IL36B: variants seen among roughly 807,000 people sequenced by gnomAD.
The protein encoded by IL36B is interleukin-36 beta.
A neutral mutation model predicts 19.3 loss-of-function variants in IL36B; 23 were observed. The observed-to-expected ratio is 1.19, with a 90% CI of 0.86 to 1.69. The LOEUF (loss-of-function observed/expected upper bound fraction) is 1.69, where lower values mean the gene tolerates loss of function less well. Ranked by LOEUF, IL36B falls within the 40% of genes most tolerant of loss-of-function variation. The probability of loss-of-function intolerance (pLI) is 0.00; values close to 1 mark genes in which losing one functional copy is unlikely to be tolerated. For missense variants in IL36B, 217 were observed against 200.5 expected (o/e 1.08, Z -0.50); for synonymous variants, 59 against 59.7 (o/e 0.99, Z 0.05).
At chr2:113,048,169 G>A (rs1376202807) in intron 1 of IL36B, among the ~76,000 whole-genome samples, 3 of 152,208 alleles carry the variant, frequency 2.0e-5, no homozygotes, top group Non-Finnish European at 4.4e-5. Flanking sequence ...GGAGAAAGAT[G>A]TATCATGCAA....
At position 113,026,101 on chromosome 2, in the gene IL36B, A is replaced by G. The variant is rs199600636; in HGVS notation, c.391+2T>C. ...GGATGGATAAGAGAATTTGCTCCTC[A>G]CCCACTCCTATTCCCCATTGGTCAA... On this transcript the variant is annotated splice_donor_variant, in intron 5 of 5. Coordinates refer to ENST00000259213, the MANE Select transcript of IL36B (RefSeq NM_014438.5). LOFTEE classifies it high-confidence loss of function. The G allele has an allele frequency of 1.7e-4, 271 of 1,613,286 alleles. No individual in the cohort carries two copies. The highest frequency in any genetic ancestry group is 2.1e-4 in the Non-Finnish European group (246 of 1,179,604).
chr2:113,039,974 T>C (rs1685226166), intron 1 of IL36B, among the ~76,000 whole-genome samples: 1 of 152,210 alleles, frequency 6.6e-6, no homozygotes, highest in Admixed American at 6.5e-5. Flanking sequence ...CAATTTCCCA[T>C]TTTTGAAAGT....
intron 5 of IL36B, among the ~76,000 whole-genome samples, chr2:113,024,623 C>G (rs574692094): frequency 3.3e-4 from 50 of 152,286 alleles, no homozygotes; most frequent in African/African-American, 9.1e-4. Flanking sequence ...GTTTCTCCTC[C>G]TCTTCTTCCT....
intron 4 of IL36B, among the ~76,000 whole-genome samples, chr2:113,026,806 A>T (rs1340466883): frequency 6.6e-6 from 1 of 152,206 alleles, no homozygotes; most frequent in Non-Finnish European, 1.5e-5. Flanking sequence ...AAAAACATTC[A>T]GTTCTAGAAG....
At chr2:113,041,501 A>C (rs751057783) in intron 1 of IL36B, among the ~76,000 whole-genome samples, 2 of 152,212 alleles carry the variant, frequency 1.3e-5, no homozygotes, top group Admixed American at 6.5e-5. Flanking sequence ...CTTTTAGAGA[A>C]AAAAGGCTAA....
chr2:113,051,877 C>T (rs1171057560), intron 1 of IL36B, among the ~76,000 whole-genome samples: 1 of 152,106 alleles, frequency 6.6e-6, no homozygotes, highest in Non-Finnish European at 1.5e-5. Context: ...CCAAAGTGTG[C>T]CACACTCTGC....
At chr2:113,047,915 G>T (rs1156386908) in intron 1 of IL36B, among the ~76,000 whole-genome samples, 1 of 151,998 alleles carries the variant, frequency 6.6e-6, no homozygotes, top group Non-Finnish European at 1.5e-5. Context: ...AATAAAAAAT[G>T]TTAACTCAGG....
chr2:113,050,468 T>C (rs933303762), intron 1 of IL36B, among the ~76,000 whole-genome samples: 43 of 152,178 alleles, frequency 2.8e-4, no homozygotes, highest in Non-Finnish European at 5.7e-4. Context: ...TGAGGAGTTA[T>C]TGTTTTGTAG....
rs763110303 is a variant in IL36B at position 113,028,128 on chromosome 2, A to G, written c.261+811T>C. ...TGATATTTTTTTCCTGGGGGTGGAA[A>G]AGAGGCTTGTTAGAGAGGAGGATAG... On this transcript the variant is annotated intron_variant, in intron 4 of 5. Transcript: ENST00000259213. The G allele has an allele frequency of 6.2e-7, 1 of 1,611,382 alleles. No individual in the cohort carries two copies. The highest frequency in any genetic ancestry group is 1.7e-5 in the Admixed American group (1 of 59,908).
intron 1 of IL36B, among the ~76,000 whole-genome samples, chr2:113,046,463 C>CT (rs1360138174): frequency 2.6e-5 from 4 of 152,052 alleles, no homozygotes; most frequent in African/African-American, 4.8e-5. Flanking sequence ...CCCACCTCGG[C>CT]CCCCAAAGTG....
rs192466561 is a variant in IL36B at position 113,022,473 on chromosome 2, A to G, written c.*201T>C. The G allele has an allele frequency of 4.4e-5, 22 of 496,228 alleles. No homozygotes were observed. The highest frequency in any genetic ancestry group is 3.5e-4 in the African/African-American group (18 of 51,036). 30.7% of individuals were successfully genotyped at this position (496,228 alleles called of 1,614,324 possible). ...TTTACAGGTTATGTAGTCCAAATCT[A>G]CTCCTAAAAAGACTCCGACCTTCTC... On this transcript the variant is annotated 3_prime_UTR_variant, in exon 6 of 6. Transcript: ENST00000259213.
intron 1 of IL36B, among the ~76,000 whole-genome samples, chr2:113,033,140 A>G (rs1199561362): frequency 6.6e-6 from 1 of 152,226 alleles, no homozygotes; most frequent in Admixed American, 6.5e-5. Context: ...ACCATGTCAC[A>G]TTTATATGGT....
chr2:113,043,618 T>C (rs907003433), intron 1 of IL36B, among the ~76,000 whole-genome samples: 1 of 151,988 alleles, frequency 6.6e-6, no homozygotes, highest in Admixed American at 6.6e-5. Flanking sequence ...CTGGAGTGCA[T>C]GGCACGATCT....
At chr2:113,026,935 G>T (rs1235486555) in intron 4 of IL36B, among the ~76,000 whole-genome samples, 1 of 152,148 alleles carries the variant, frequency 6.6e-6, no homozygotes, top group Non-Finnish European at 1.5e-5. Flanking sequence ...ACAGCATGGG[G>T]GTAGCAGTAC....
At chr2:113,026,405 C>T (rs1684963375) in intron 4 of IL36B, among the ~76,000 whole-genome samples, 1 of 152,144 alleles carries the variant, frequency 6.6e-6, no homozygotes, top group Non-Finnish European at 1.5e-5. Flanking sequence ...GAGATAATGC[C>T]AGAAGCATAG....
chr2:113,025,963 A>G, intron 5 of IL36B: 3 of 1,360,728 alleles, frequency 2.2e-6, no homozygotes, highest in Non-Finnish European at 2.0e-6. Flanking sequence ...AGAGAAGTCA[A>G]TTCAGGATGT....
At position 113,022,652 on chromosome 2, in the gene IL36B, G is replaced by A; in HGVS notation, c.*22C>T. 3 of 1,399,328 alleles carry A rather than the reference G, an allele frequency of 2.1e-6. No homozygotes were observed. The highest frequency in any genetic ancestry group is 2.3e-5 in the South Asian group (2 of 86,580). 86.7% of individuals were successfully genotyped at this position (1,399,328 alleles called of 1,614,324 possible). On this transcript the variant is annotated 3_prime_UTR_variant, in exon 6 of 6. Coordinates refer to ENST00000259213, the MANE Select transcript of IL36B (RefSeq NM_014438.5). ...AAACCCACTCAAAGATTGTAGAGAT[G>A]GGAATCTTCCTCCCCTTATTTCTAC... is the stretch of plus-strand genomic sequence containing the variant.
chr2:113,028,791 A>C (rs1404200532), intron 4 of IL36B, 148 bp downstream of exon 4: 10 of 701,870 alleles, frequency 1.4e-5, no homozygotes, highest in Non-Finnish European at 2.2e-5. Flanking sequence ...GGCAGCATTT[A>C]TAGATTCAGG....
At chr2:113,033,317 C>T (rs371247132) in intron 1 of IL36B, among the ~76,000 whole-genome samples, 18 of 152,132 alleles carry the variant, frequency 1.2e-4, no homozygotes, top group African/African-American at 2.9e-4. Flanking sequence ...TGGAAACTTC[C>T]GCCTCTCAGG....
Sources: allele counts gnomAD v4.1 joint callset (sites outside exome capture counted in the v4.1 genomes callset), GRCh38; gene constraint gnomAD v4.1.1; transcripts MANE v1.5; gene names NCBI Gene and HGNC (gene_info 2026-07-23, HGNC 2026-07-21).